The following NCOA7 variants were observed in gnomAD, a reference collection of about 807,000 sequenced individuals.
NCOA7 encodes the protein 140 kDa estrogen receptor-associated protein.
A neutral mutation model predicts 104.3 loss-of-function variants in NCOA7; 45 were observed. The ratio of observed to expected loss-of-function variants is 0.43; its 90% CI spans 0.34 to 0.55. The LOEUF is 0.55. NCOA7 is among the 20% of genes least tolerant of loss of function. NCOA7 has a pLI of 0.02. For synonymous variants in NCOA7, 398 were observed against 402.3 expected (o/e 0.99, Z 0.13); for missense variants, 1,041 against 1,119.7 (o/e 0.93, Z 1.00).
chr6:125,893,942 TC>T (rs1275883546), intron 10 of NCOA7, among the ~76,000 whole-genome samples: 1 of 152,126 alleles, frequency 6.6e-6, no homozygotes, highest in Non-Finnish European at 1.5e-5. Flanking sequence ...GCTTGCAAAA[TC>T]AGGTCATTCT....
chr6:125,889,047 A>T lies in NCOA7; in HGVS notation c.993A>T (p.Glu331Asp). Reference protein sequence around the residue: ...PFSKFKSINKEKRQQNGEKIM... With the variant: ...PFSKFKSINKDKRQQNGEKIM... ...GTAAGTTCAAATCTATCAACAAGGA[A>T]AAACGACAGCAGAATGGAGAGAAAA... is the stretch of plus-strand genomic sequence containing the variant. Residue 331 changes from glutamate (E) to aspartate (D), a missense_variant, in exon 9 of 16, where the codon GAA becomes GAT. By Grantham distance (45) the Glu-to-Asp change is conservative (BLOSUM62 2). Transcript: ENST00000392477. The T allele has an allele frequency of 1.2e-6, 2 of 1,614,160 alleles. No homozygotes were observed. The highest frequency in any genetic ancestry group is 1.7e-6 in the Non-Finnish European group (2 of 1,179,970).
chr6:125,793,773 T>C (rs560951255), intron 1 of NCOA7, among the ~76,000 whole-genome samples: 4 of 152,210 alleles, frequency 2.6e-5, no homozygotes, highest in Non-Finnish European at 5.9e-5. Flanking sequence ...GAATTGTTGA[T>C]TGCAGAAAAA....
At chr6:125,914,817 A>T (rs1322901580) in intron 10 of NCOA7, among the ~76,000 whole-genome samples, 1 of 152,240 alleles carries the variant, frequency 6.6e-6, no homozygotes, top group African/African-American at 2.4e-5. Context: ...TGCGTCAATA[A>T]AATTAGATTT....
intron 2 of NCOA7, among the ~76,000 whole-genome samples, chr6:125,834,915 T>C (rs957077047): frequency 3.9e-5 from 6 of 152,202 alleles, no homozygotes; most frequent in African/African-American, 1.4e-4. Flanking sequence ...TTATAGTGTC[T>C]GGTGTGGCAT....
Position 125,925,903 on chromosome 6 carries a change from A to C in NCOA7, c.2524-1760A>C, listed in dbSNP as rs550711381. ...CAATTTTTTTAAATACATTAATAGAAAAAAAGACATTTTCTCATAATCACA... is the reference window on the plus strand; with the variant it reads ...CAATTTTTTTAAATACATTAATAGACAAAAAGACATTTTCTCATAATCACA... On this transcript the variant is annotated intron_variant, in intron 13 of 15. Transcript: ENST00000392477. 2.6e-5 allele frequency among the ~76,000 whole-genome samples: 4 copies of C among 152,366 alleles called. 1 individual carries two copies. Among genetic ancestry groups the C allele is most frequent in the African/African-American group, 9.6e-5 (4 of 41,602 alleles).
At chr6:125,912,501 G>A (rs959906760) in intron 10 of NCOA7, among the ~76,000 whole-genome samples, 2 of 152,238 alleles carry the variant, frequency 1.3e-5, no homozygotes, top group African/African-American at 2.4e-5. Flanking sequence ...ACACTAGGGT[G>A]TCATCACTAT....
intron 3 of NCOA7, among the ~76,000 whole-genome samples, chr6:125,868,051 A>G (rs1782583583): frequency 6.6e-6 from 1 of 152,192 alleles, no homozygotes; most frequent in Admixed American, 6.5e-5. Context: ...TCAGAAGCAT[A>G]TTTCTAGTGA....
Position 125,929,587 on chromosome 6 carries a change from T to C in NCOA7, c.*816T>C, listed in dbSNP as rs1421727957. Reference sequence around the variant, plus strand: ...TGAATGTTCATCAATTTGACTATTATAGGCCAGCTTTCCATTTAGTCAATA... The same window carrying C: ...TGAATGTTCATCAATTTGACTATTACAGGCCAGCTTTCCATTTAGTCAATA... On this transcript the variant is annotated 3_prime_UTR_variant, in exon 16 of 16. Transcript: ENST00000392477. The C allele has an allele frequency of 2.0e-5, 3 of 152,268 alleles. No individual in the cohort carries two copies. Among genetic ancestry groups the C allele is most frequent in the East Asian group, 1.9e-4 (1 of 5,188 alleles). The allele number at this position is 152,268 out of a possible 1,614,324, so 9.4% of individuals were successfully genotyped here. A position where few individuals can be genotyped will look rare whatever the true frequency, so the allele number is the denominator to read the frequency against.
chr6:125,920,502 A>G (rs1476027121), intron 11 of NCOA7, among the ~76,000 whole-genome samples: 3 of 152,312 alleles, frequency 2.0e-5, no homozygotes, highest in South Asian at 4.1e-4. Flanking sequence ...GGTGTTATAT[A>G]CTATTCTCAG....
chr6:125,926,805 C>CT (rs1788077209), intron 13 of NCOA7, among the ~76,000 whole-genome samples: 1 of 152,124 alleles, frequency 6.6e-6, no homozygotes, highest in African/African-American at 2.4e-5. Context: ...AGCAATGTTC[C>CT]TCAAATGGGA....
intron 3 of NCOA7, among the ~76,000 whole-genome samples, chr6:125,861,823 G>A (rs1321496000): frequency 6.6e-6 from 1 of 151,976 alleles, no homozygotes; most frequent in African/African-American, 2.4e-5. Context: ...GATCACCTGA[G>A]TTCAGGAGTT....
chr6:125,833,106 AG>A (rs1488489606), intron 2 of NCOA7, among the ~76,000 whole-genome samples: 1 of 152,238 alleles, frequency 6.6e-6, no homozygotes, highest in African/African-American at 2.4e-5. Flanking sequence ...GTTGCCGCAG[AG>A]TGAAACTATT....
intron 3 of NCOA7, 108 bp downstream of exon 3, chr6:125,855,348 C>A: frequency 1.2e-6 from 1 of 855,702 alleles, no homozygotes; most frequent in Non-Finnish European, 1.8e-6. Flanking sequence ...GTTTATGGAG[C>A]AGCTGCTATG....
chr6:125,902,025 C>T (rs953800300), intron 10 of NCOA7, among the ~76,000 whole-genome samples: 1 of 152,130 alleles, frequency 6.6e-6, no homozygotes, highest in Admixed American at 6.6e-5. Flanking sequence ...CTTTCCTCTG[C>T]TGAGCCACTC....
At chr6:125,859,540 T>A (rs999027794) in intron 3 of NCOA7, among the ~76,000 whole-genome samples, 1 of 152,230 alleles carries the variant, frequency 6.6e-6, no homozygotes, top group South Asian at 2.1e-4. Flanking sequence ...ATAGTTGTTT[T>A]CTCTGGTTAC....
intron 1 of NCOA7, among the ~76,000 whole-genome samples, chr6:125,795,756 TGA>T (rs888090993): frequency 2.6e-5 from 4 of 152,190 alleles, no homozygotes; most frequent in African/African-American, 9.6e-5. Flanking sequence ...TCTTGGACCC[TGA>T]GAGATTCATC....
chr6:125,902,890 A>G (rs747127913), intron 10 of NCOA7, among the ~76,000 whole-genome samples: 3 of 152,232 alleles, frequency 2.0e-5, no homozygotes, highest in African/African-American at 7.2e-5. Context: ...AATGATCATA[A>G]TAGTGCCTAC....
intron 1 of NCOA7, among the ~76,000 whole-genome samples, chr6:125,809,126 C>G (rs1375431387): frequency 1.3e-5 from 2 of 152,026 alleles, no homozygotes; most frequent in African/African-American, 4.8e-5. Context: ...GTTGTTGTTG[C>G]ATTGTTTTTG....
At position 125,928,896 on chromosome 6, in the gene NCOA7, T is replaced by G. The variant is rs574320189; in HGVS notation, c.*125T>G. ...CCACCCCAATGCTTCCTTTCTGCCATCATCTCAGAGCATGATCACATTGCA... is the reference window on the plus strand; with the variant it reads ...CCACCCCAATGCTTCCTTTCTGCCAGCATCTCAGAGCATGATCACATTGCA... On this transcript the variant is annotated 3_prime_UTR_variant, in exon 16 of 16. Coordinates refer to ENST00000392477, the MANE Select transcript of NCOA7 (RefSeq NM_181782.5). The G allele has an allele frequency of 9.7e-7, 1 of 1,029,470 alleles. No individual in the cohort carries two copies. The highest frequency in any genetic ancestry group is 2.9e-5 in the Admixed American group (1 of 34,426). 63.8% of individuals were successfully genotyped at this position (1,029,470 alleles called of 1,614,324 possible).
Sources: gnomAD v4.1 joint callset for allele counts (sites outside exome capture counted in the v4.1 genomes callset) on GRCh38, gnomAD v4.1.1 for gene constraint, MANE v1.5 for transcripts, NCBI Gene and HGNC (gene_info 2026-07-23, HGNC 2026-07-21) for gene names.